The following SCAPER variants were observed in gnomAD, a reference collection of about 807,000 sequenced individuals.
SCAPER encodes the protein S phase cyclin A-associated protein in the endoplasmic reticulum.
Under a neutral mutation model 182.2 loss-of-function variants are expected in SCAPER, and 98 were observed. The observed-to-expected ratio is 0.54, with a 90% CI of 0.46 to 0.64. The LOEUF (loss-of-function observed/expected upper bound fraction) is 0.64. SCAPER is among the 30% of genes least tolerant of loss of function. SCAPER has a pLI of 0.00. For missense variants in SCAPER, 1,432 were observed against 1,690.0 expected, an observed-to-expected ratio of 0.85 and a Z score of 2.68; for synonymous variants, 605 against 564.6, an observed-to-expected ratio of 1.07 and a Z score of -1.01.
At chr15:76,383,380 C>A (rs962461327) in intron 27 of SCAPER, among the ~76,000 whole-genome samples, 5 of 152,156 alleles carry the variant, frequency 3.3e-5, no homozygotes, top group African/African-American at 7.2e-5. Flanking sequence ...ACTTTGCTAG[C>A]TGCATCAAAG....
At chr15:76,679,693 A>G (rs1021889144) in intron 20 of SCAPER, among the ~76,000 whole-genome samples, 32 of 152,224 alleles carry the variant, frequency 2.1e-4, no homozygotes, top group Non-Finnish European at 4.0e-4. Context: ...TCCACTGATA[A>G]GGATGACAGT....
intron 22 of SCAPER, among the ~76,000 whole-genome samples, chr15:76,579,536 T>TA (rs957731380): frequency 9.9e-4 from 120 of 121,030 alleles, no homozygotes; most frequent in Admixed American, 3.3e-3. Context: ...AAAAGATTCA[T>TA]AAAAAAAAAA....
At chr15:76,766,065 AGT>A (rs1195096769) in intron 11 of SCAPER, among the ~76,000 whole-genome samples, 1 of 150,316 alleles carries the variant, frequency 6.7e-6, no homozygotes, top group Admixed American at 6.7e-5. Context: ...AACAGAAGGT[AGT>A]GTATCATTTG....
At chr15:76,526,116 T>A (rs1053084107) in intron 23 of SCAPER, among the ~76,000 whole-genome samples, 5 of 152,132 alleles carry the variant, frequency 3.3e-5, no homozygotes, top group African/African-American at 7.2e-5. Context: ...TTTTTATATA[T>A]CCTATTCCTT....
chr15:76,737,709 CTT>C (rs1229457241), intron 15 of SCAPER, among the ~76,000 whole-genome samples: 1 of 152,218 alleles, frequency 6.6e-6, no homozygotes, highest in African/African-American at 2.4e-5. Context: ...TTGCAAATCT[CTT>C]GTTTGGTGCA....
intron 21 of SCAPER, among the ~76,000 whole-genome samples, chr15:76,664,065 G>A (rs2056395263): frequency 6.6e-6 from 1 of 152,124 alleles, no homozygotes; most frequent in Admixed American, 6.6e-5. Flanking sequence ...CCTGAAGGAA[G>A]CAAGGAAGCC....
At chr15:76,701,207 T>C (rs2058929502) in intron 20 of SCAPER, among the ~76,000 whole-genome samples, 1 of 152,126 alleles carries the variant, frequency 6.6e-6, no homozygotes, top group South Asian at 2.1e-4. Flanking sequence ...AATATGAATT[T>C]CTTATTCTTG....
intron 15 of SCAPER, among the ~76,000 whole-genome samples, chr15:76,735,618 C>T (rs2061209652): frequency 1.4e-5 from 2 of 147,744 alleles, no homozygotes; most frequent in South Asian, 4.3e-4. Context: ...AGGAGAATCG[C>T]TTGAACATGG....
Position 76,465,947 on chromosome 15 carries a change from G to A in SCAPER, c.3078+5265C>T, listed in dbSNP as rs1567196258. ...CTGCTGAGAAATATGTTGATAGTCT[G>A]ATGTGTGTTCCCTAGTACACGACAA... On this transcript the variant is annotated intron_variant, in intron 25 of 31. Coordinates refer to ENST00000563290, the MANE Select transcript of SCAPER (RefSeq NM_020843.4). Among the ~76,000 whole-genome samples, 4 of 152,186 alleles carry A rather than the reference G, an allele frequency of 2.6e-5. No homozygotes were observed. The South Asian group carries it at 6.2e-4, about 24-fold the overall frequency.
intron 9 of SCAPER, among the ~76,000 whole-genome samples, chr15:76,772,552 T>A (rs1205234950): frequency 6.6e-6 from 1 of 151,962 alleles, no homozygotes; most frequent in East Asian, 1.9e-4. Context: ...GAGAAAAGCA[T>A]GACCTAAGGG....
chr15:76,629,269 G>A (rs918710696), intron 21 of SCAPER, among the ~76,000 whole-genome samples: 2 of 152,212 alleles, frequency 1.3e-5, no homozygotes, highest in African/African-American at 4.8e-5. Flanking sequence ...TTGCCTGACG[G>A]CCCTGGCCAG....
At chr15:76,534,615 T>A (rs1046647349) in intron 23 of SCAPER, among the ~76,000 whole-genome samples, 2 of 152,200 alleles carry the variant, frequency 1.3e-5, no homozygotes, top group African/African-American at 4.8e-5. Context: ...TAATTTTCTA[T>A]AAAATGTAAT....
chr15:76,400,790 A>G (rs2044402415), intron 27 of SCAPER, among the ~76,000 whole-genome samples: 1 of 152,228 alleles, frequency 6.6e-6, no homozygotes, highest in African/African-American at 2.4e-5. Context: ...GAAGGAAATT[A>G]TAATGGAGAT....
intron 20 of SCAPER, among the ~76,000 whole-genome samples, chr15:76,670,220 A>C (rs1183527127): frequency 6.6e-6 from 1 of 151,912 alleles, no homozygotes; most frequent in African/African-American, 2.4e-5. Context: ...AATACCTAGA[A>C]AAAAACTGTT....
At position 76,841,604 on chromosome 15, in the gene SCAPER, G is replaced by A. The variant is rs574558375; in HGVS notation, c.393+130C>T. Reference sequence around the variant, plus strand: ...AGAGGTTGTAATGAGCCAAGATCGCGTCACTACACTCCAGCCTGGGCGACA... The same window carrying A: ...AGAGGTTGTAATGAGCCAAGATCGCATCACTACACTCCAGCCTGGGCGACA... On this transcript the variant is annotated intron_variant, in intron 5 of 31. Transcript: ENST00000563290. The A allele has an allele frequency of 8.5e-5, 76 of 889,646 alleles. No individual in the cohort carries two copies. The South Asian group carries it at 1.0e-3, about 12-fold the overall frequency. The allele number at this position is 889,646 out of a possible 1,614,324, so 55.1% of individuals were successfully genotyped here. A position where few individuals can be genotyped will look rare whatever the true frequency, so the allele number is the denominator to read the frequency against.
chr15:76,623,181 T>A (rs2052256437), intron 21 of SCAPER, among the ~76,000 whole-genome samples: 1 of 152,212 alleles, frequency 6.6e-6, no homozygotes, highest in Non-Finnish European at 1.5e-5. Flanking sequence ...GTGAAATACT[T>A]TCTCCCATTC....
chr15:76,673,363 G>A (rs1009970191), intron 20 of SCAPER, among the ~76,000 whole-genome samples: 2 of 152,002 alleles, frequency 1.3e-5, no homozygotes, highest in Non-Finnish European at 2.9e-5. Flanking sequence ...ATTTATCATC[G>A]TGTTACTATT....
At position 76,600,293 on chromosome 15, in the gene SCAPER, C is replaced by T. The variant is rs1396655113; in HGVS notation, c.2711+21471G>A. Among the ~76,000 whole-genome samples the T allele has an allele frequency of 2.6e-5, 3 of 117,350 alleles. 1 individual carries two copies. The highest frequency in any genetic ancestry group is 7.7e-5 in the African/African-American group (3 of 38,890). 77.0% of individuals were successfully genotyped at this position (117,350 alleles called of 152,430 possible). On this transcript the variant is annotated intron_variant, in intron 22 of 31. Coordinates refer to ENST00000563290, the MANE Select transcript of SCAPER (RefSeq NM_020843.4). ...AGTAAACTGTATTAAAAAAGAAGATCCCAAATCCCAAAGGCAGAAATCACT... is the reference window on the plus strand; with the variant it reads ...AGTAAACTGTATTAAAAAAGAAGATTCCAAATCCCAAAGGCAGAAATCACT...
intron 25 of SCAPER, among the ~76,000 whole-genome samples, chr15:76,454,809 G>A (rs1409091920): frequency 2.6e-5 from 4 of 151,364 alleles, no homozygotes; most frequent in Non-Finnish European, 5.9e-5. Context: ...TTCCTGGAAC[G>A]TTTGCTGGAA....
Sources: gnomAD v4.1 joint callset for allele counts (sites outside exome capture counted in the v4.1 genomes callset) on GRCh38, gnomAD v4.1.1 for gene constraint, MANE v1.5 for transcripts, NCBI Gene and HGNC (gene_info 2026-07-23, HGNC 2026-07-21) for gene names.